GAB2: variants seen among roughly 807,000 people sequenced by gnomAD.
GAB2 encodes GRB2-associated-binding protein 2.
In GAB2, 26 loss-of-function variants were observed where a neutral mutation model predicts 65.5. That is an observed-to-expected ratio of 0.40 (90% CI 0.29 to 0.55). The LOEUF (loss-of-function observed/expected upper bound fraction) is 0.55. GAB2 is among the 20% of genes least tolerant of loss of function. The pLI is 0.53. For synonymous variants in GAB2, 321 were observed against 329.6 expected (o/e 0.97, Z 0.28); for missense variants, 884 against 875.8 (o/e 1.01, Z -0.12).
intron 1 of GAB2, among the ~76,000 whole-genome samples, chr11:78,365,686 G>T (rs760412300): frequency 3.2e-4 from 48 of 152,318 alleles, no homozygotes; most frequent in Non-Finnish European, 5.3e-4. Context: ...GGTGAGGCAA[G>T]CAAACTGATG....
At chr11:78,416,843 G>A (rs1459793383) in intron 1 of GAB2, among the ~76,000 whole-genome samples, 1 of 150,970 alleles carries the variant, frequency 6.6e-6, no homozygotes, top group African/African-American at 2.4e-5. Context: ...ACCTCCCCCA[G>A]GCTGCCAGTT....
intron 1 of GAB2, among the ~76,000 whole-genome samples, chr11:78,391,039 A>T (rs1400675271): frequency 6.6e-6 from 1 of 152,232 alleles, no homozygotes; most frequent in Admixed American, 6.5e-5. Context: ...CTTTGAAAAG[A>T]TTCAAAGGAG....
chr11:78,408,845 C>T (rs561018123), intron 1 of GAB2, among the ~76,000 whole-genome samples: 1 of 152,276 alleles, frequency 6.6e-6, no homozygotes, highest in Non-Finnish European at 1.5e-5. Flanking sequence ...CCTGCTTCTC[C>T]CTCACCTTCC....
At chr11:78,410,664 A>C (rs1425974325) in intron 1 of GAB2, among the ~76,000 whole-genome samples, 1 of 152,248 alleles carries the variant, frequency 6.6e-6, no homozygotes, top group African/African-American at 2.4e-5. Context: ...GACAAAATGG[A>C]CCAATTTGTT....
chr11:78,265,959 A>T (rs1865863023), intron 2 of GAB2, among the ~76,000 whole-genome samples: 1 of 152,120 alleles, frequency 6.6e-6, no homozygotes, highest in South Asian at 2.1e-4. Context: ...TCATGCCTAT[A>T]ATCTCAGCAT....
chr11:78,268,334 T>G (rs1013347440), intron 2 of GAB2, among the ~76,000 whole-genome samples: 1 of 152,194 alleles, frequency 6.6e-6, no homozygotes, highest in African/African-American at 2.4e-5. Flanking sequence ...GAGAGAAGAC[T>G]GTATCTACTG....
At chr11:78,220,217 G>T in intron 9 of GAB2, 102 bp downstream of exon 9, 2 of 1,217,878 alleles carry the variant, frequency 1.6e-6, no homozygotes, top group Non-Finnish European at 2.3e-6. Flanking sequence ...CAGGAGGGAG[G>T]CTGAGTGCTG....
intron 3 of GAB2, among the ~76,000 whole-genome samples, chr11:78,235,912 C>A (rs1466866157): frequency 6.6e-6 from 1 of 152,200 alleles, no homozygotes; most frequent in Non-Finnish European, 1.5e-5. Flanking sequence ...GGTATCTTTT[C>A]AGCAACGCCC....
In GAB2 at chr11:78,242,378, T is replaced by C. The variant is rs538480651; in HGVS notation, c.620+7779A>G. 5.9e-5 allele frequency among the ~76,000 whole-genome samples: 9 copies of C among 152,180 alleles called. No homozygotes were observed. In the East Asian group the frequency reaches 1.5e-3, roughly 26 times the overall value. On this transcript the variant is annotated intron_variant, in intron 3 of 9. Coordinates refer to ENST00000361507, the MANE Select transcript of GAB2 (RefSeq NM_080491.3). ...TTAGCTGGGTGTGGTGGCGGGCACC[T>C]GTAGTCCCAGCTACACAGGAGGTTG...
At chr11:78,337,260 T>C (rs1467757605) in intron 1 of GAB2, among the ~76,000 whole-genome samples, 1 of 152,214 alleles carries the variant, frequency 6.6e-6, no homozygotes, top group Non-Finnish European at 1.5e-5. Flanking sequence ...TCTAGTACTA[T>C]TTGCCTCTTA....
intron 1 of GAB2, among the ~76,000 whole-genome samples, chr11:78,331,099 C>T (rs1397810083): frequency 1.3e-5 from 2 of 151,878 alleles, no homozygotes; most frequent in Admixed American, 6.6e-5. Flanking sequence ...TGCATGAACC[C>T]GGGAGGTGGA....
At chr11:78,417,369 T>C (rs935100684) in intron 1 of GAB2, among the ~76,000 whole-genome samples, 8 of 151,962 alleles carry the variant, frequency 5.3e-5, no homozygotes, top group African/African-American at 1.9e-4. Flanking sequence ...CGACACTGTA[T>C]TTAGTTCACG....
chr11:78,272,467 T>C (rs1360604299), intron 2 of GAB2, among the ~76,000 whole-genome samples: 2 of 152,216 alleles, frequency 1.3e-5, no homozygotes, highest in Non-Finnish European at 2.9e-5. Flanking sequence ...GGAAGCATTT[T>C]ACCCCTGCCC....
intron 1 of GAB2, among the ~76,000 whole-genome samples, chr11:78,323,225 C>A (rs936302039): frequency 1.3e-5 from 2 of 152,044 alleles, no homozygotes; most frequent in Non-Finnish European, 2.9e-5. Context: ...AAACAGAAAA[C>A]CAGTCTTGAT....
chr11:78,254,043 C>G (rs1002453582), intron 2 of GAB2, among the ~76,000 whole-genome samples: 2 of 152,184 alleles, frequency 1.3e-5, no homozygotes, highest in African/African-American at 4.8e-5. Flanking sequence ...CTTCCTTGAG[C>G]TCAGCCTGTG....
chr11:78,250,117 G>GCGGT lies in GAB2; in HGVS notation c.620+36_620+39dup, dbSNP rs1865406944. 1.8e-5 allele frequency: 29 copies of GCGGT among 1,605,650 alleles called. No individual in the cohort carries two copies. The East Asian group carries it at 6.5e-4, about 36-fold the overall frequency. ...GACTGAAAAGTACTAGGCCCTGTGA[G>GCGGT]CGGTCACTAACCCACCTAATGGCTG... is the stretch of plus-strand genomic sequence containing the variant. On this transcript the variant is annotated intron_variant, in intron 3 of 9. Coordinates refer to ENST00000361507, the MANE Select transcript of GAB2 (RefSeq NM_080491.3).
intron 1 of GAB2, among the ~76,000 whole-genome samples, chr11:78,330,238 T>C (rs946920559): frequency 2.6e-5 from 4 of 152,180 alleles, no homozygotes; most frequent in Admixed American, 1.3e-4. Flanking sequence ...CTTCCTATCA[T>C]TTGGTAAGCA....
rs150421951 is a variant in GAB2, at chr11:78,376,840, G to A, written c.75+40806C>T. On this transcript the variant is annotated intron_variant, in intron 1 of 9. Transcript: ENST00000361507. The stretch of plus-strand genomic sequence containing the variant: ...ACTGACAGTTGGGATATTTGTCCCC[G>A]CCCAAATCTCATGCTGAATTGTAAT... Among the ~76,000 whole-genome samples the A allele has an allele frequency of 3.2e-3, 486 of 152,244 alleles. 2 individuals are homozygous for A. Among genetic ancestry groups the A allele is most frequent in the African/African-American group, 0.011 (466 of 41,546 alleles).
chr11:78,359,205 G>A (rs1205197647), intron 1 of GAB2, among the ~76,000 whole-genome samples: 1 of 152,176 alleles, frequency 6.6e-6, no homozygotes, highest in East Asian at 1.9e-4. Context: ...TGGCTGGTAT[G>A]TTTTCAGAAC....
Sources: gnomAD v4.1 joint callset for allele counts (sites outside exome capture counted in the v4.1 genomes callset) on GRCh38, gnomAD v4.1.1 for gene constraint, MANE v1.5 for transcripts, NCBI Gene and HGNC (gene_info 2026-07-23, HGNC 2026-07-21) for gene names.